Variants in ANKRD30B observed in about 807,000 individuals in gnomAD.
The protein encoded by ANKRD30B is ankyrin repeat domain 30B, also known as ankyrin repeat domain-containing protein 30B.
A neutral mutation model predicts 202.2 loss-of-function variants in ANKRD30B; 144 were observed. The ratio of observed to expected loss-of-function variants is 0.71; its 90% CI spans 0.62 to 0.82. ANKRD30B has a LOEUF of 0.82. Ranked by LOEUF, ANKRD30B falls within the 40% of genes least tolerant of loss-of-function variation. ANKRD30B has a pLI of 0.00. For synonymous variants in ANKRD30B, 508 were observed against 561.3 expected, an observed-to-expected ratio of 0.91 and a Z score of 1.34; for missense variants, 1,487 against 1,669.1, an observed-to-expected ratio of 0.89 and a Z score of 1.90.
At chr18:14,791,323 T>C (rs1968489603) in intron 15 of ANKRD30B, 78 bp from the exon 16 acceptor site, 1 of 1,226,718 alleles carries the variant, frequency 8.2e-7, no homozygotes, top group Non-Finnish European at 1.2e-6. Flanking sequence ...TTAAAAAAGA[T>C]TCTAGTTAGA....
chr18:14,776,608 G>A (rs927508163), intron 9 of ANKRD30B, among the ~76,000 whole-genome samples: 2 of 152,160 alleles, frequency 1.3e-5, no homozygotes, highest in African/African-American at 2.4e-5. Context: ...CCATGTCATC[G>A]TCATCCTCAT....
At chr18:14,863,170 A>G in the ANKRD30B span, among the ~76,000 whole-genome samples, 35 of 152,134 alleles carry the variant, frequency 2.3e-4, no homozygotes, top group African/African-American at 8.5e-4. Flanking sequence ...AGGACATGAG[A>G]TTTGGTGGGC....
At chr18:14,831,187 A>AAAAACAAAAC (rs1284255239) in intron 33 of ANKRD30B, among the ~76,000 whole-genome samples, 196 bp from the exon 34 acceptor site, 3 of 150,602 alleles carry the variant, frequency 2.0e-5, no homozygotes, top group Non-Finnish European at 4.4e-5. Flanking sequence ...CTCGGAAAAA[A>AAAAACAAAAC]AAAAAAAAAA....
At chr18:14,764,414 G>C (rs1598581875) in intron 7 of ANKRD30B, among the ~76,000 whole-genome samples, 1 of 151,970 alleles carries the variant, frequency 6.6e-6, no homozygotes, top group African/African-American at 2.4e-5. Flanking sequence ...TTTTGAGATG[G>C]AGTCTCGCAC....
At chr18:14,822,910 G>A (rs1250568782) in intron 32 of ANKRD30B, among the ~76,000 whole-genome samples, 4 of 115,318 alleles carry the variant, frequency 3.5e-5, no homozygotes, top group African/African-American at 1.4e-4. Flanking sequence ...TTAATATCCT[G>A]ATACTATAAA....
chr18:14,840,432 G>A (rs563449595), intron 36 of ANKRD30B, among the ~76,000 whole-genome samples, 156 bp from the exon 37 acceptor site: 5 of 152,214 alleles, frequency 3.3e-5, no homozygotes, highest in Admixed American at 2.6e-4. Flanking sequence ...CCAGCTACTC[G>A]GGACACTGAG....
chr18:14,818,668 A>C (rs1446303701), intron 30 of ANKRD30B, among the ~76,000 whole-genome samples: 4 of 151,958 alleles, frequency 2.6e-5, no homozygotes, highest in African/African-American at 9.7e-5. Flanking sequence ...AGTTTCATCC[A>C]TGTCCCTACA....
Position 14,854,610 on chromosome 18 carries a change from C to T in ANKRD30B, c.*452C>T, listed in dbSNP as rs1972014991. On this transcript the variant is annotated 3_prime_UTR_variant, in exon 44 of 44. Coordinates refer to ENST00000690538, the MANE Select transcript of ANKRD30B (RefSeq NM_001367607.2). The stretch of plus-strand genomic sequence containing the variant: ...AATACTGGACAATAGAGTTTATAGT[C>T]TCCCATTTAGGTACAAGCCTAGACA... Among the ~76,000 whole-genome samples the T allele has an allele frequency of 6.6e-6, 1 of 152,148 alleles. No homozygotes were observed. Among genetic ancestry groups the T allele is most frequent in the South Asian group, 2.1e-4 (1 of 4,826 alleles).
intron 16 of ANKRD30B, among the ~76,000 whole-genome samples, chr18:14,793,621 G>T (rs371579410): frequency 2.1e-4 from 32 of 152,084 alleles, no homozygotes; most frequent in East Asian, 9.7e-4. Context: ...CAGGCCAGGC[G>T]TGGTGACTCA....
At chr18:14,757,780 T>G in intron 4 of ANKRD30B, 35 bp from the exon 5 acceptor site, 1 of 1,600,482 alleles carries the variant, frequency 6.2e-7, no homozygotes. Flanking sequence ...TTAAATTGAT[T>G]CTGCTCATAA....
At chr18:14,816,940 C>G (rs1179971104) in intron 30 of ANKRD30B, 2 of 152,158 alleles carry the variant, frequency 1.3e-5, no homozygotes, top group Non-Finnish European at 2.9e-5. Context: ...GGAAGGGGAA[C>G]ATCACACTCC....
At chr18:14,853,256 C>G (rs1005174766) in intron 42 of ANKRD30B, among the ~76,000 whole-genome samples, 47 of 152,170 alleles carry the variant, frequency 3.1e-4, no homozygotes, top group African/African-American at 1.1e-3. Flanking sequence ...ATTGGATCCC[C>G]ATTTTTCAAT....
Position 14,754,969 on chromosome 18 carries a change from A to AAAATGC in ANKRD30B, c.591_596dup (p.Asn199_Ala200dup), listed in dbSNP as rs563672322. On this transcript the variant is annotated inframe_insertion, in exon 4 of 44. Coordinates refer to ENST00000690538, the MANE Select transcript of ANKRD30B (RefSeq NM_001367607.2). ...CAAACTGTGGAATTTTTACTAACAA[A>AAAATGC]AAATGCAAATGCAAACGCATTTAAT... The AAAATGC allele has an allele frequency of 9.8e-5, 152 of 1,548,124 alleles. No individual in the cohort carries two copies. The African/African-American group carries it at 1.6e-3, about 16-fold the overall frequency.
the ANKRD30B span, among the ~76,000 whole-genome samples, chr18:14,870,028 G>T: frequency 6.6e-6 from 1 of 152,052 alleles, no homozygotes; most frequent in Non-Finnish European, 1.5e-5. Flanking sequence ...TAGAGATGAG[G>T]TTTCACCATA....
the ANKRD30B span, among the ~76,000 whole-genome samples, chr18:14,888,330 A>G: frequency 2.0e-5 from 3 of 152,062 alleles, no homozygotes; most frequent in Middle Eastern, 3.2e-3. Context: ...CATTATTATT[A>G]TTATAGCAGC....
chr18:14,872,839 G>A, the ANKRD30B span, among the ~76,000 whole-genome samples: 8 of 152,020 alleles, frequency 5.3e-5, no homozygotes, highest in Non-Finnish European at 8.8e-5. Flanking sequence ...CCAAGCGTTC[G>A]GGAATAGAAG....
At chr18:14,929,379 C>G in the ANKRD30B span, among the ~76,000 whole-genome samples, 1 of 152,180 alleles carries the variant, frequency 6.6e-6, no homozygotes, top group Non-Finnish European at 1.5e-5. Context: ...TAGAACCATT[C>G]ACTCATCACA....
At chr18:14,928,223 G>C in the ANKRD30B span, among the ~76,000 whole-genome samples, 18 of 152,034 alleles carry the variant, frequency 1.2e-4, no homozygotes, top group Non-Finnish European at 2.6e-4. Flanking sequence ...CTGCCTCGGC[G>C]TCCCAAAGTG....
chr18:14,764,182 G>C, intron 7 of ANKRD30B, 92 bp downstream of exon 7: 3 of 1,318,098 alleles, frequency 2.3e-6, no homozygotes, highest in Non-Finnish European at 3.0e-6. Context: ...GGAATGTCTT[G>C]AATATCTAAA....
Sources: gnomAD v4.1 joint callset for allele counts (sites outside exome capture counted in the v4.1 genomes callset) on GRCh38, gnomAD v4.1.1 for gene constraint, MANE v1.5 for transcripts, NCBI Gene and HGNC (gene_info 2026-07-23, HGNC 2026-07-21) for gene names.